The following FAM133B variants were observed in gnomAD, a reference collection of about 807,000 sequenced individuals.
FAM133B encodes the protein family with sequence similarity 133 member B.
Under a neutral mutation model 46.4 loss-of-function variants are expected in FAM133B, and 25 were observed. The observed-to-expected ratio is 0.54, with a 90% CI of 0.39 to 0.75. The LOEUF (loss-of-function observed/expected upper bound fraction) is 0.75. FAM133B is among the 30% of genes least tolerant of loss of function. The probability of loss-of-function intolerance (pLI) is 0.00; values close to 1 mark genes in which losing one functional copy is unlikely to be tolerated. For synonymous variants in FAM133B, 75 were observed against 86.0 expected, an observed-to-expected ratio of 0.87 and a Z score of 0.71; for missense variants, 205 against 277.6, an observed-to-expected ratio of 0.74 and a Z score of 1.86.
intron 2 of FAM133B, among the ~76,000 whole-genome samples, chr7:92,580,340 C>T (rs1794831578): frequency 1.3e-5 from 2 of 152,126 alleles, no homozygotes; most frequent in African/African-American, 4.8e-5. Flanking sequence ...AGCAATCCTC[C>T]TGCCTCGGCC....
At chr7:92,577,254 T>C in intron 6 of FAM133B, 59 bp from the exon 7 acceptor site, 1 of 1,191,778 alleles carries the variant, frequency 8.4e-7, no homozygotes, top group Non-Finnish European at 1.1e-6. Flanking sequence ...ATTTACACAT[T>C]TATTAATATA....
chr7:92,562,790 T>C (rs1205102108), intron 10 of FAM133B, among the ~76,000 whole-genome samples: 1 of 152,214 alleles, frequency 6.6e-6, no homozygotes, highest in Non-Finnish European at 1.5e-5. Flanking sequence ...TTGCCAGTTT[T>C]AAGTAAATAG....
intron 1 of FAM133B, among the ~76,000 whole-genome samples, chr7:92,587,642 G>A (rs773670258): frequency 6.6e-6 from 1 of 152,150 alleles, no homozygotes; most frequent in Non-Finnish European, 1.5e-5. Flanking sequence ...GCTGACGTGA[G>A]AGCATCCCTT....
intron 10 of FAM133B, among the ~76,000 whole-genome samples, chr7:92,563,479 CTCT>C (rs1562887307): frequency 6.6e-6 from 1 of 152,138 alleles, no homozygotes; most frequent in Non-Finnish European, 1.5e-5. Flanking sequence ...TCACAAAGAC[CTCT>C]TCATTTCCTT....
Position 92,569,931 on chromosome 7 carries a change from A to G in FAM133B, c.517-16T>C. 5.1e-6 allele frequency: 6 copies of G among 1,177,506 alleles called. No individual in the cohort carries two copies. The highest frequency in any genetic ancestry group is 7.3e-5 in the Admixed American group (2 of 27,402). 72.9% of individuals were successfully genotyped at this position (1,177,506 alleles called of 1,614,324 possible). A position where few individuals can be genotyped will look rare whatever the true frequency, so the allele number is the denominator to read the frequency against. On this transcript the variant is annotated splice_polypyrimidine_tract_variant and intron_variant, in intron 8 of 10. Transcript: ENST00000445716. Reference sequence around the variant, plus strand: ...CTTTAATATCCTATGAAAAATAAATACATTTATCTTGACTCAGACATACTT... The same window carrying G: ...CTTTAATATCCTATGAAAAATAAATGCATTTATCTTGACTCAGACATACTT...
At chr7:92,574,020 TA>T (rs1299462376) in intron 8 of FAM133B, among the ~76,000 whole-genome samples, 4 of 152,156 alleles carry the variant, frequency 2.6e-5, no homozygotes, top group South Asian at 2.1e-4. Context: ...TAAAATTAAT[TA>T]AAAAAAATTT....
rs531224756 is a variant in FAM133B at position 92,587,138 on chromosome 7, C to T, written c.24+3130G>A. Reference sequence around the variant, plus strand: ...CAATTTGGCTGTGAACCTAAAACTGCTCTAAAAATAAAAATTAAAAAAACT... The same window carrying T: ...CAATTTGGCTGTGAACCTAAAACTGTTCTAAAAATAAAAATTAAAAAAACT... On this transcript the variant is annotated intron_variant, in intron 1 of 10. Transcript: ENST00000445716. Among the ~76,000 whole-genome samples the T allele has an allele frequency of 1.5e-4, 23 of 152,232 alleles. 1 individual carries two copies. The South Asian group carries it at 2.9e-3, about 19-fold the overall frequency.
chr7:92,581,906 C>T (rs193158668), intron 1 of FAM133B: 23 of 251,742 alleles, frequency 9.1e-5, no homozygotes, highest in African/African-American at 4.3e-4. Flanking sequence ...CTCCTAAAGC[C>T]CAGTAACCCT....
At chr7:92,569,795 G>C in intron 9 of FAM133B, 28 bp downstream of exon 9, 1 of 1,139,762 alleles carries the variant, frequency 8.8e-7, no homozygotes, top group Non-Finnish European at 1.2e-6. Flanking sequence ...TTTTAAAATA[G>C]AGAAAATGGA....
chr7:92,574,749 C>A (rs370801868), intron 8 of FAM133B, among the ~76,000 whole-genome samples: 51 of 148,386 alleles, frequency 3.4e-4, no homozygotes, highest in African/African-American at 1.2e-3. Flanking sequence ...ACTAAAAATA[C>A]AAAAAATTAG....
At chr7:92,573,768 T>C (rs901748831) in intron 8 of FAM133B, among the ~76,000 whole-genome samples, 3 of 152,094 alleles carry the variant, frequency 2.0e-5, no homozygotes, top group East Asian at 1.9e-4. Context: ...GAAATAATCA[T>C]ATGGTTTCTT....
chr7:92,565,009 G>A (rs1262336828), intron 10 of FAM133B, among the ~76,000 whole-genome samples: 1 of 152,110 alleles, frequency 6.6e-6, no homozygotes, highest in Non-Finnish European at 1.5e-5. Context: ...CTAGTGCTTG[G>A]AGAGGCTTTT....
intron 1 of FAM133B, 184 bp downstream of exon 1, chr7:92,590,084 C>G (rs940144053): frequency 2.6e-6 from 2 of 755,456 alleles, no homozygotes; most frequent in East Asian, 5.5e-5. Flanking sequence ...GAGCTGGGAA[C>G]CCTAAAGCGC....
chr7:92,568,265 C>T (rs1444224682), intron 9 of FAM133B, among the ~76,000 whole-genome samples: 1 of 151,940 alleles, frequency 6.6e-6, no homozygotes, highest in Non-Finnish European at 1.5e-5. Flanking sequence ...TACTGTAATG[C>T]CACTGTATGG....
intron 1 of FAM133B, among the ~76,000 whole-genome samples, chr7:92,588,852 G>A (rs983360443): frequency 2.6e-5 from 4 of 152,116 alleles, no homozygotes; most frequent in South Asian, 4.1e-4. Context: ...CATGTAAGAC[G>A]CCTGCTCCTG....
chr7:92,590,381 T>A lies in FAM133B; in HGVS notation c.-90A>T. ...GCCTGCCGCAGGTCCTCTTGCCGCC[T>A]CCCCACTCCGCCTAGAGAGCGGCAC... On this transcript the variant is annotated 5_prime_UTR_variant, in exon 1 of 11. Transcript: ENST00000445716. The A allele has an allele frequency of 6.3e-7, 1 of 1,588,908 alleles. No homozygotes were observed. Among genetic ancestry groups the A allele is most frequent in the South Asian group, 1.1e-5 (1 of 89,066 alleles).
At chr7:92,576,910 G>GAT (rs1032149989) in intron 7 of FAM133B, among the ~76,000 whole-genome samples, 193 bp downstream of exon 7, 25 of 152,046 alleles carry the variant, frequency 1.6e-4, no homozygotes, top group South Asian at 8.3e-4. Context: ...GAGACATGGA[G>GAT]ATATATATAT....
At chr7:92,572,080 C>G (rs1387952129) in intron 8 of FAM133B, among the ~76,000 whole-genome samples, 1 of 152,018 alleles carries the variant, frequency 6.6e-6, no homozygotes, top group Non-Finnish European at 1.5e-5. Context: ...AAAATTAAAG[C>G]CTTTATATAA....
intron 9 of FAM133B, among the ~76,000 whole-genome samples, chr7:92,568,843 C>G (rs1044028937): frequency 3.3e-5 from 5 of 152,108 alleles, no homozygotes; most frequent in Admixed American, 1.3e-4. Flanking sequence ...CTCAAGCAAC[C>G]TTCTTGCCTC....
Sources: allele counts gnomAD v4.1 joint callset (sites outside exome capture counted in the v4.1 genomes callset), GRCh38; gene constraint gnomAD v4.1.1; transcripts MANE v1.5; gene names NCBI Gene and HGNC (gene_info 2026-07-23, HGNC 2026-07-21).